Variants in IFTAP observed in about 807,000 individuals in gnomAD.
IFTAP encodes the protein intraflagellar transport-associated protein.
IFTAP carries 19 observed loss-of-function variants against 19.4 expected under a neutral mutation model. The observed-to-expected ratio is 0.98, with a 90% CI of 0.68 to 1.44. The LOEUF is 1.44. Ranked by LOEUF, IFTAP falls within the 40% of genes most tolerant of loss-of-function variation. The pLI, the probability that IFTAP is intolerant of heterozygous loss-of-function variation, is 0.00. For missense variants in IFTAP, 240 were observed against 253.6 expected, an observed-to-expected ratio of 0.95 and a Z score of 0.36; for synonymous variants, 85 against 83.5, an observed-to-expected ratio of 1.02 and a Z score of -0.10.
chr11:36,599,730 A>T (rs1226077496), intron 1 of IFTAP, among the ~76,000 whole-genome samples: 1 of 152,190 alleles, frequency 6.6e-6, no homozygotes, highest in African/African-American at 2.4e-5. Context: ...AAGCATCGTC[A>T]TCTCTTCTAG....
At chr11:36,610,816 A>ATGCTGC (rs72422923) in intron 2 of IFTAP, among the ~76,000 whole-genome samples, 2 of 151,800 alleles carry the variant, frequency 1.3e-5, no homozygotes, top group Non-Finnish European at 2.9e-5. Context: ...TGCTGTTGTG[A>ATGCTGC]TGCTGCTGCT....
intron 1 of IFTAP, among the ~76,000 whole-genome samples, chr11:36,595,742 G>T (rs551513384): frequency 6.6e-6 from 1 of 152,344 alleles, no homozygotes; most frequent in East Asian, 1.9e-4. Context: ...ACAGGGATTT[G>T]CATATAGTAG....
chr11:36,637,588 C>A (rs1346573600), intron 4 of IFTAP, among the ~76,000 whole-genome samples: 1 of 152,074 alleles, frequency 6.6e-6, no homozygotes, highest in Non-Finnish European at 1.5e-5. Context: ...TTCTGGATCT[C>A]CCTCCCAATA....
In IFTAP at chr11:36,627,732, G is replaced by C. The variant is rs1355381339; in HGVS notation, c.137-5552G>C. On this transcript the variant is annotated intron_variant, in intron 2 of 5. Transcript: ENST00000334307. ...GGTCTTGACTAAGTTAGTTGGGAAG[G>C]TAAGCTCATTTTATGGGATGGGTAT... Among the ~76,000 whole-genome samples the C allele has an allele frequency of 3.3e-5, 5 of 151,098 alleles. No homozygotes were observed. The South Asian group carries it at 8.3e-4, about 25-fold the overall frequency.
At chr11:36,651,797 T>C (rs1242275615) in intron 5 of IFTAP, among the ~76,000 whole-genome samples, 1 of 152,206 alleles carries the variant, frequency 6.6e-6, no homozygotes, top group African/African-American at 2.4e-5. Context: ...CAGCACCATT[T>C]ATTTAATAGG....
chr11:36,605,342 A>C (rs1302968303), intron 1 of IFTAP, among the ~76,000 whole-genome samples: 1 of 140,650 alleles, frequency 7.1e-6, no homozygotes, highest in African/African-American at 2.7e-5. Context: ...TACACTGTGC[A>C]CTTTCAGAGA....
intron 1 of IFTAP, among the ~76,000 whole-genome samples, chr11:36,599,755 AT>A (rs1216915231): frequency 3.9e-5 from 6 of 152,080 alleles, no homozygotes; most frequent in Non-Finnish European, 8.8e-5. Flanking sequence ...TTCTGTGATG[AT>A]TTTTTTAATC....
chr11:36,628,025 A>G (rs1168303529), intron 2 of IFTAP, among the ~76,000 whole-genome samples: 1 of 145,260 alleles, frequency 6.9e-6, no homozygotes, highest in South Asian at 2.1e-4. Context: ...TTTTTTTTCT[A>G]AATTTCTTCA....
chr11:36,610,207 A>C lies in IFTAP; in HGVS notation c.104A>C (p.Glu35Ala), dbSNP rs1018960619. 6.2e-7 allele frequency: 1 copy of C among 1,610,438 alleles called. No individual in the cohort carries two copies. The highest frequency in any genetic ancestry group is 8.5e-7 in the Non-Finnish European group (1 of 1,176,986). Residue 35 changes from glutamate to alanine, a missense_variant, in exon 2 of 6, where the codon GAA becomes GCA. Coordinates refer to ENST00000334307, the MANE Select transcript of IFTAP (RefSeq NM_138787.4). ...LNCHEQTYDE[E>A]FLNTFTHLSQ... ...TGTCATGAGCAAACATATGATGAAG[A>C]ATTTCTGAACACTTTTACTCATCTT... is the stretch of plus-strand genomic sequence containing the variant.
At chr11:36,607,745 C>T (rs1415494913) in intron 1 of IFTAP, among the ~76,000 whole-genome samples, 1 of 152,100 alleles carries the variant, frequency 6.6e-6, no homozygotes, top group East Asian at 1.9e-4. Flanking sequence ...GTGATCTGGG[C>T]TCATCGCAAC....
intron 2 of IFTAP, among the ~76,000 whole-genome samples, chr11:36,617,478 G>A (rs549181125): frequency 2.0e-5 from 3 of 151,740 alleles, no homozygotes; most frequent in Non-Finnish European, 4.4e-5. Flanking sequence ...TATAGCAAGG[G>A]GTCTAAAATT....
chr11:36,609,675 C>T (rs1851805867), intron 1 of IFTAP, among the ~76,000 whole-genome samples: 1 of 152,102 alleles, frequency 6.6e-6, no homozygotes, highest in Non-Finnish European at 1.5e-5. Flanking sequence ...AAAAATTGCT[C>T]AGAACAGCAC....
chr11:36,646,292 TAG>T (rs1321179069), intron 4 of IFTAP, among the ~76,000 whole-genome samples: 4 of 152,164 alleles, frequency 2.6e-5, no homozygotes, highest in Non-Finnish European at 5.9e-5. Context: ...ATGGGTCAGG[TAG>T]ATAATGGTTT....
At chr11:36,616,369 A>G (rs778685506) in intron 2 of IFTAP, among the ~76,000 whole-genome samples, 8 of 151,684 alleles carry the variant, frequency 5.3e-5, no homozygotes, top group Admixed American at 2.0e-4. Flanking sequence ...TGCTTTTAGC[A>G]TTTTATTGTT....
chr11:36,659,002 T>A lies in IFTAP; in HGVS notation c.499-17T>A, dbSNP rs200816994. The A allele has an allele frequency of 1.3e-6, 2 of 1,535,706 alleles. No individual in the cohort carries two copies. Among genetic ancestry groups the A allele is most frequent in the Non-Finnish European group, 1.8e-6 (2 of 1,134,224 alleles). ...AATGATTGTGTATGTTTTTTCCTCC[T>A]TTGTTACCTTTTATAGATACTTGGA... On this transcript the variant is annotated splice_polypyrimidine_tract_variant and intron_variant, in intron 5 of 5. Coordinates refer to ENST00000334307, the MANE Select transcript of IFTAP (RefSeq NM_138787.4).
intron 5 of IFTAP, among the ~76,000 whole-genome samples, chr11:36,658,790 T>C (rs556607474): frequency 6.6e-6 from 1 of 152,322 alleles, no homozygotes; most frequent in South Asian, 2.1e-4. Context: ...CATTAGTTAA[T>C]GATATTCATT....
chr11:36,635,159 T>C (rs1852893467), intron 3 of IFTAP, among the ~76,000 whole-genome samples: 1 of 152,198 alleles, frequency 6.6e-6, no homozygotes, highest in Admixed American at 6.5e-5. Flanking sequence ...CCAGCCTGTC[T>C]TTTGAATTCC....
chr11:36,621,317 G>A (rs934888312), intron 2 of IFTAP, among the ~76,000 whole-genome samples: 1 of 152,056 alleles, frequency 6.6e-6, no homozygotes, highest in Middle Eastern at 3.4e-3. Flanking sequence ...TAAACCCAAA[G>A]GGATACAAAC....
chr11:36,604,225 TC>T (rs1364253276), intron 1 of IFTAP, among the ~76,000 whole-genome samples: 2 of 152,086 alleles, frequency 1.3e-5, no homozygotes, highest in Non-Finnish European at 2.9e-5. Context: ...TCCAAATACT[TC>T]CTTTAATATT....
Sources: gnomAD v4.1 joint callset for allele counts (sites outside exome capture counted in the v4.1 genomes callset) on GRCh38, gnomAD v4.1.1 for gene constraint, MANE v1.5 for transcripts, NCBI Gene and HGNC (gene_info 2026-07-23, HGNC 2026-07-21) for gene names.